The following TENM3 variants were observed in gnomAD, a reference collection of about 807,000 sequenced individuals.
TENM3 encodes teneurin transmembrane protein 3, also known as teneurin-3.
TENM3 carries 63 observed loss-of-function variants against 255.1 expected under a neutral mutation model. The ratio of observed to expected loss-of-function variants is 0.25; its 90% CI spans 0.20 to 0.30. The LOEUF (loss-of-function observed/expected upper bound fraction) is 0.30. Among genes scored for constraint, TENM3 ranks in the 10% least tolerant of loss-of-function variants. The probability of loss-of-function intolerance (pLI) is 1.00; values close to 1 mark genes in which losing one functional copy is unlikely to be tolerated. For synonymous variants in TENM3, 1,306 were observed against 1,322.3 expected (o/e 0.99, Z 0.27); for missense variants, 2,929 against 3,461.1 (o/e 0.85, Z 3.86).
At chr4:182,610,186 T>C (rs1384366675) in intron 4 of TENM3, among the ~76,000 whole-genome samples, 1 of 152,176 alleles carries the variant, frequency 6.6e-6, no homozygotes, top group Non-Finnish European at 1.5e-5. Flanking sequence ...AGTGATAATA[T>C]GGGAAAGAAA....
chr4:182,195,823 C>G (rs538555013), intron 1 of TENM3, among the ~76,000 whole-genome samples: 175 of 152,234 alleles, frequency 1.1e-3, no homozygotes, highest in Non-Finnish European at 1.9e-3. Flanking sequence ...CACTTAACTT[C>G]AAACACTAAT....
At chr4:182,252,146 G>T in intron 1 of TENM3, among the ~76,000 whole-genome samples, 1 of 151,378 alleles carries the variant, frequency 6.6e-6, no homozygotes. Flanking sequence ...TTACGCCACT[G>T]CACTCCAGCC....
chr4:182,377,700 T>G (rs28533943), intron 3 of TENM3, among the ~76,000 whole-genome samples: 5,726 of 152,268 alleles, frequency 0.038, 341 homozygotes, highest in African/African-American at 0.13. Flanking sequence ...AAATCATGTA[T>G]ATAGATCATG....
chr4:182,195,770 A>G (rs1753801208), intron 1 of TENM3, among the ~76,000 whole-genome samples: 1 of 152,252 alleles, frequency 6.6e-6, no homozygotes, highest in Non-Finnish European at 1.5e-5. Context: ...AGAAATTCAA[A>G]TGCCAAAAAA....
chr4:182,108,828 T>C, the TENM3 span, among the ~76,000 whole-genome samples: 2 of 152,202 alleles, frequency 1.3e-5, no homozygotes, highest in African/African-American at 4.8e-5. Flanking sequence ...TGTAAATCAT[T>C]TTGTTAACTA....
intron 3 of TENM3, among the ~76,000 whole-genome samples, chr4:182,596,375 G>A (rs917761327): frequency 6.6e-5 from 10 of 152,170 alleles, no homozygotes; most frequent in African/African-American, 2.2e-4. Flanking sequence ...CCTGCCCGTA[G>A]GGAGCTGAGC....
At chr4:182,476,827 G>A (rs139662035) in intron 3 of TENM3, among the ~76,000 whole-genome samples, 33 of 152,258 alleles carry the variant, frequency 2.2e-4, no homozygotes, top group African/African-American at 6.7e-4. Context: ...TTGTCTCACA[G>A]GAGGTCATTA....
intron 11 of TENM3, among the ~76,000 whole-genome samples, chr4:182,683,793 GACAAGCTGGAGGACTTTCCC>G (rs1756358702): frequency 6.6e-6 from 1 of 152,108 alleles, no homozygotes; most frequent in Admixed American, 6.6e-5. Context: ...ATGGCGAAGA[GACAAGCTGGAGGACTTTCCC>G]ACAAGCGTGA....
the TENM3 span, among the ~76,000 whole-genome samples, chr4:181,811,721 A>G: frequency 6.6e-6 from 1 of 152,108 alleles, no homozygotes; most frequent in Non-Finnish European, 1.5e-5. Flanking sequence ...ATCTCATGAG[A>G]CTCATTCACT....
intron 3 of TENM3, among the ~76,000 whole-genome samples, chr4:182,528,275 G>A (rs1311054018): frequency 1.3e-5 from 2 of 151,928 alleles, no homozygotes; most frequent in African/African-American, 2.4e-5. Flanking sequence ...GCACCACCAC[G>A]TCCAGCTAAT....
the TENM3 span, among the ~76,000 whole-genome samples, chr4:181,942,587 A>T: frequency 1.3e-5 from 2 of 152,118 alleles, no homozygotes; most frequent in Non-Finnish European, 2.9e-5. Flanking sequence ...TTCTTTTCTT[A>T]CTGCTCTCTG....
At position 182,789,015 on chromosome 4, in the gene TENM3, A is replaced by AT; in HGVS notation, c.5305-77dup. The AT allele has an allele frequency of 7.2e-6, 9 of 1,255,792 alleles. 1 individual carries two copies. In the South Asian group the frequency reaches 1.1e-4, roughly 15 times the overall value. 77.8% of individuals were successfully genotyped at this position (1,255,792 alleles called of 1,614,324 possible). A position where few individuals can be genotyped will look rare whatever the true frequency, so the allele number is the denominator to read the frequency against. On this transcript the variant is annotated intron_variant, in intron 24 of 27. Coordinates refer to ENST00000511685, the MANE Select transcript of TENM3 (RefSeq NM_001080477.4). The surrounding 1 kb of genome is among the most constrained non-coding windows in gnomAD (Gnocchi z 4.4). ...TGACAAAGAGAATCAATCATCGTAA[A>AT]TGGTGTTTAAACAATACTGGGGACT...
At chr4:182,157,305 C>T (rs1750782783) in intron 1 of TENM3, among the ~76,000 whole-genome samples, 2 of 152,188 alleles carry the variant, frequency 1.3e-5, no homozygotes, top group African/African-American at 4.8e-5. Flanking sequence ...CATTGGAAGC[C>T]AGTGACCTGA....
chr4:181,867,576 C>T, the TENM3 span, among the ~76,000 whole-genome samples: 2 of 152,186 alleles, frequency 1.3e-5, no homozygotes, highest in Non-Finnish European at 2.9e-5. Context: ...AGCTACAGAT[C>T]TCCTGTACCA....
intron 12 of TENM3, among the ~76,000 whole-genome samples, chr4:182,705,290 G>A (rs1561134990): frequency 1.3e-5 from 2 of 152,070 alleles, no homozygotes; most frequent in East Asian, 1.9e-4. Flanking sequence ...GTCCGTGTTC[G>A]GAAGTATTAT....
At chr4:182,438,213 T>C (rs1205752321) in intron 3 of TENM3, among the ~76,000 whole-genome samples, 1 of 152,218 alleles carries the variant, frequency 6.6e-6, no homozygotes, top group Non-Finnish European at 1.5e-5. Flanking sequence ...TGAGCTGTGA[T>C]GTTTCTTTGC....
chr4:182,709,670 G>T (rs1482091706), intron 12 of TENM3, among the ~76,000 whole-genome samples: 4 of 151,870 alleles, frequency 2.6e-5, no homozygotes, highest in Admixed American at 2.6e-4. Flanking sequence ...TTAGAACCAG[G>T]TTTTTGTGGT....
chr4:181,934,079 C>CGT, the TENM3 span, among the ~76,000 whole-genome samples: 3 of 144,974 alleles, frequency 2.1e-5, no homozygotes, highest in Non-Finnish European at 3.0e-5. Context: ...TGTGTGTGCG[C>CGT]GCGCTTTTAA....
the TENM3 span, among the ~76,000 whole-genome samples, chr4:181,894,842 G>C: frequency 6.6e-6 from 1 of 152,130 alleles, no homozygotes; most frequent in African/African-American, 2.4e-5. Flanking sequence ...TTTGCATCCA[G>C]TTATGGACGT....
Sources: gnomAD v4.1 joint callset for allele counts (sites outside exome capture counted in the v4.1 genomes callset) on GRCh38, gnomAD v4.1.1 for gene constraint, Gnocchi (gnomAD v3.1) non-coding constraint, MANE v1.5 for transcripts, NCBI Gene and HGNC (gene_info 2026-07-23, HGNC 2026-07-21) for gene names.